GPM6B: variants seen among roughly 807,000 people sequenced by gnomAD.
GPM6B encodes the protein neuronal membrane glycoprotein M6-b.
A neutral mutation model predicts 27.2 loss-of-function variants in GPM6B; 4 were observed. The ratio of observed to expected loss-of-function variants is 0.15; its 90% confidence interval spans 0.07 to 0.34. The LOEUF (loss-of-function observed/expected upper bound fraction) is 0.34. Among genes scored for constraint, GPM6B ranks in the 10% least tolerant of loss-of-function variants. The pLI is 1.00. For synonymous variants in GPM6B, 124 were observed against 103.1 expected, an observed-to-expected ratio of 1.20 and a Z score of -1.23; for missense variants, 183 against 261.9, an observed-to-expected ratio of 0.70 and a Z score of 2.08.
chrX:13,819,550 A>G (rs1026176393), upstream of GPM6B, among the ~76,000 whole-genome samples: 2 of 112,330 alleles, frequency 1.8e-5, no homozygotes, highest in Admixed American at 1.9e-4. Context: ...GAATAAACAT[A>G]TGAAATTGCT....
At chrX:13,874,574 G>A (rs192095640) in intron 1 of GPM6B, among the ~76,000 whole-genome samples, 1 of 109,948 alleles carries the variant, frequency 9.1e-6, no homozygotes, top group Non-Finnish European at 1.9e-5. Flanking sequence ...GCTGGGCATG[G>A]TGGCACATCC....
At chrX:13,921,488 C>T (rs899476155) in intron 1 of GPM6B, among the ~76,000 whole-genome samples, 1 of 111,332 alleles carries the variant, frequency 9.0e-6, no homozygotes, top group Non-Finnish European at 1.9e-5. Context: ...GGAGATGTTA[C>T]AGCTCTGTGA....
intron 3 of GPM6B, chrX:13,784,069 G>A (rs1327404418): frequency 2.9e-5 from 6 of 204,127 alleles, no homozygotes; most frequent in Non-Finnish European, 5.5e-5. Flanking sequence ...AATAGTAGTA[G>A]GTCGAGTAGG....
chrX:13,842,441 G>C (rs1474784819), intron 1 of GPM6B, among the ~76,000 whole-genome samples: 5 of 111,681 alleles, frequency 4.5e-5, no homozygotes, highest in African/African-American at 1.6e-4. Context: ...TCAGTGCATA[G>C]AAACACTAAG....
intron 1 of GPM6B, among the ~76,000 whole-genome samples, chrX:13,896,948 T>A (rs912104362): frequency 9.2e-6 from 1 of 108,927 alleles, no homozygotes; most frequent in African/African-American, 3.6e-5. Flanking sequence ...TTTTAAAAAT[T>A]AAATAAGAGA....
At chrX:13,821,309 T>G (rs900708283), upstream of GPM6B, among the ~76,000 whole-genome samples, 19 of 112,521 alleles carry the variant, frequency 1.7e-4, no homozygotes, top group Admixed American at 1.4e-3. Flanking sequence ...GTTTTTAACC[T>G]GGCAAGATCA....
At chrX:13,878,445 T>C (rs1270981767) in intron 1 of GPM6B, among the ~76,000 whole-genome samples, 1 of 111,645 alleles carries the variant, frequency 9.0e-6, no homozygotes, top group East Asian at 2.8e-4. Flanking sequence ...AGACACTTTG[T>C]GAACATAAAA....
At chrX:13,800,871 T>C (rs999592010) in intron 2 of GPM6B, among the ~76,000 whole-genome samples, 5 of 109,808 alleles carry the variant, frequency 4.6e-5, no homozygotes, top group African/African-American at 1.7e-4. Context: ...GATCGGGTCT[T>C]GCTATGTTGC....
At chrX:13,805,767 T>A (rs1415528481) in intron 2 of GPM6B, among the ~76,000 whole-genome samples, 1 of 111,839 alleles carries the variant, frequency 8.9e-6, no homozygotes, top group Non-Finnish European at 1.9e-5. Context: ...ACCAGTTTAG[T>A]GAACTAAAAT....
chrX:13,887,886 G>C (rs887612830), intron 1 of GPM6B, among the ~76,000 whole-genome samples: 4 of 111,578 alleles, frequency 3.6e-5, no homozygotes, highest in Non-Finnish European at 7.5e-5. Context: ...AGAACCAGTG[G>C]GATATGGGCA....
At chrX:13,870,755 T>C (rs1161972302) in intron 1 of GPM6B, among the ~76,000 whole-genome samples, 2 of 111,927 alleles carry the variant, frequency 1.8e-5, no homozygotes, top group African/African-American at 3.3e-5. Context: ...TCAAAGAGTA[T>C]GTATGCAATA....
At chrX:13,916,663 ATGTGTGTGTGTGTGTGTGTGTGTG>A (rs55844856) in intron 1 of GPM6B, among the ~76,000 whole-genome samples, 1 of 90,157 alleles carries the variant, frequency 1.1e-5, no homozygotes, top group African/African-American at 4.1e-5. Flanking sequence ...TAGTTTATTA[ATGTGTGTGTGTGTGTGTGTGTGTG>A]TGTGTGTGTG....
chrX:13,798,579 C>T (rs773550874), intron 2 of GPM6B, among the ~76,000 whole-genome samples: 8 of 112,563 alleles, frequency 7.1e-5, no homozygotes, highest in Non-Finnish European at 1.5e-4. Flanking sequence ...TTATGCACTG[C>T]GTGCCTTTTA....
chrX:13,878,109 C>G (rs1296190665), intron 1 of GPM6B, among the ~76,000 whole-genome samples: 2 of 109,705 alleles, frequency 1.8e-5, no homozygotes, highest in Non-Finnish European at 3.8e-5. Flanking sequence ...AGAAGTAACT[C>G]TAGCAAGGTA....
intron 2 of GPM6B, among the ~76,000 whole-genome samples, chrX:13,795,734 TTTC>T (rs199718705): frequency 0.018 from 1,744 of 99,003 alleles, 32 homozygotes; most frequent in South Asian, 0.052. Flanking sequence ...TCAGTTCTAA[TTTC>T]TTTTCTTTTT....
chrX:13,820,340 A>G (rs756596752), upstream of GPM6B, among the ~76,000 whole-genome samples: 8 of 110,835 alleles, frequency 7.2e-5, no homozygotes, highest in Non-Finnish European at 1.3e-4. Context: ...GGGAGGCTAG[A>G]GTTTCTAGCT....
chrX:13,781,770 A>C (rs1217212860), intron 4 of GPM6B, among the ~76,000 whole-genome samples: 1 of 111,781 alleles, frequency 8.9e-6, no homozygotes, highest in East Asian at 2.8e-4. Flanking sequence ...TCTCCCTAAA[A>C]TGTATAAAAC....
chrX:13,773,079 A>G (rs1476686139), intron 7 of GPM6B, 49 bp from the exon 8 acceptor site: 2 of 1,123,381 alleles, frequency 1.8e-6, no homozygotes, highest in Non-Finnish European at 2.4e-6. Flanking sequence ...GTGAGAAGGC[A>G]AAGCGAGGCG....
At chrX:13,863,500 A>C (rs1417718149) in intron 1 of GPM6B, among the ~76,000 whole-genome samples, 1 of 111,566 alleles carries the variant, frequency 9.0e-6, no homozygotes, top group Admixed American at 9.6e-5. Flanking sequence ...AAGCTATCAC[A>C]CCACAAGCAA....
Sources: gnomAD v4.1 joint callset for allele counts (sites outside exome capture counted in the v4.1 genomes callset) on GRCh38, gnomAD v4.1.1 for gene constraint, MANE v1.5 for transcripts, NCBI Gene and HGNC (gene_info 2026-07-23, HGNC 2026-07-21) for gene names.